CREBZF: variants seen among roughly 807,000 people sequenced by gnomAD.
CREBZF encodes HCF-binding transcription factor Zhangfei.
A neutral mutation model predicts 21.1 loss-of-function variants in CREBZF; 8 were observed. The observed-to-expected ratio is 0.38, with a 90% confidence interval of 0.22 to 0.68. The LOEUF (loss-of-function observed/expected upper bound fraction) is 0.68. CREBZF is among the 30% of genes least tolerant of loss of function. CREBZF has a pLI of 0.51. For synonymous variants in CREBZF, 270 were observed against 223.3 expected (o/e 1.21, Z -1.86); for missense variants, 518 against 484.3 (o/e 1.07, Z -0.65).
At position 85,663,454 on chromosome 11, in the gene CREBZF, C is replaced by G. The variant is rs1279788677; in HGVS notation, c.*357G>C. The G allele has an allele frequency of 1.4e-6, 1 of 733,282 alleles. No individual in the cohort carries two copies. Among genetic ancestry groups the G allele is most frequent in the African/African-American group, 1.8e-5 (1 of 56,230 alleles). 45.4% of individuals were successfully genotyped at this position (733,282 alleles called of 1,614,324 possible). A position where few individuals can be genotyped will look rare whatever the true frequency, so the allele number is the denominator to read the frequency against. On this transcript the variant is annotated 3_prime_UTR_variant, in exon 1 of 1. Coordinates refer to ENST00000527447, the MANE Select transcript of CREBZF (RefSeq NM_001039618.4). Reference sequence around the variant, plus strand: ...AAAAAAAAAATCACACACACACAAACTGAGATGTTGCCCATTAAAGTAGAC... The same window carrying G: ...AAAAAAAAAATCACACACACACAAAGTGAGATGTTGCCCATTAAAGTAGAC...
chr11:85,662,682 G>C lies in CREBZF; in HGVS notation c.*1129C>G. On this transcript the variant is annotated 3_prime_UTR_variant, in exon 1 of 1. Transcript: ENST00000527447. Reference sequence around the variant, plus strand: ...CAATTTAAAAAATTATTTTAAAATAGGACAAATACTTTTGAAACACAGAGA... The same window carrying C: ...CAATTTAAAAAATTATTTTAAAATACGACAAATACTTTTGAAACACAGAGA... 2.6e-6 allele frequency: 1 copy of C among 384,452 alleles called. No homozygotes were observed. The highest frequency in any genetic ancestry group is 4.6e-6 in the Non-Finnish European group (1 of 215,558). 23.8% of individuals were successfully genotyped at this position (384,452 alleles called of 1,614,324 possible).
At chr11:85,666,159 T>C (rs892391512), upstream of CREBZF, among the ~76,000 whole-genome samples, 2 of 152,254 alleles carry the variant, frequency 1.3e-5, no homozygotes, top group Non-Finnish European at 2.9e-5. Context: ...TCAAAACATG[T>C]CTTTTATTTT....
chr11:85,682,084 G>C (rs1422535356), intron 1 of CREBZF, among the ~76,000 whole-genome samples: 3 of 152,110 alleles, frequency 2.0e-5, no homozygotes, highest in African/African-American at 7.2e-5. Flanking sequence ...TAAGAATTTC[G>C]CGACAGCAAC....
chr11:85,672,686 C>G (rs2082919774), intron 1 of CREBZF, among the ~76,000 whole-genome samples: 1 of 152,184 alleles, frequency 6.6e-6, no homozygotes, highest in Admixed American at 6.5e-5. Flanking sequence ...CATGTGGGCC[C>G]ATGTGTGAGT....
In CREBZF at chr11:85,682,683, C is replaced by T; in HGVS notation, n.147+34G>A. ...CCTGGAGCCCACTCCCCTTGTAGAC[C>T]ACACTCCAGTACCCGGAATTCCGGG... On this transcript the variant is annotated intron_variant and non_coding_transcript_variant, in intron 1 of 3. Transcript: ENST00000531515. 4 of 640,918 alleles carry T rather than the reference C, an allele frequency of 6.2e-6. No individual in the cohort carries two copies. The South Asian group carries it at 6.8e-5, about 11-fold the overall frequency. 39.7% of individuals were successfully genotyped at this position (640,918 alleles called of 1,614,324 possible).
At chr11:85,681,286 G>A (rs1203085954) in intron 1 of CREBZF, among the ~76,000 whole-genome samples, 1 of 152,092 alleles carries the variant, frequency 6.6e-6, no homozygotes, top group Non-Finnish European at 1.5e-5. Flanking sequence ...GGGAAAGGAG[G>A]GCTGAGTAGA....
intron 1 of CREBZF, among the ~76,000 whole-genome samples, chr11:85,676,443 T>A (rs1251674234): frequency 6.6e-6 from 1 of 152,150 alleles, no homozygotes; most frequent in African/African-American, 2.4e-5. Flanking sequence ...TACTGAAAAT[T>A]TGTACTCTGA....
chr11:85,664,483 G>T lies in CREBZF; in HGVS notation c.393C>A (p.Ser131=), dbSNP rs761991057. The T allele has an allele frequency of 2.5e-6, 4 of 1,613,642 alleles. No individual in the cohort carries two copies. The highest frequency in any genetic ancestry group is 1.7e-6 in the Non-Finnish European group (2 of 1,179,958). The change falls in exon 1 of 1, where the codon TCC becomes TCA. Residue 131 remains serine, a synonymous_variant. Coordinates refer to ENST00000527447, the MANE Select transcript of CREBZF (RefSeq NM_001039618.4). The surrounding 1 kb of genome is among the most constrained non-coding windows in gnomAD (Gnocchi z 5.5). ...DPGLSSPGPL[S]SSGGGSDSGG... is the part of the protein sequence containing the mutation. ...CGCTATCCGAGCCTCCGCCAGACGA[G>T]GAGAGAGGCCCCGGCGAGCTAAGCC...
At chr11:85,672,657 G>A (rs2082919675) in intron 1 of CREBZF, among the ~76,000 whole-genome samples, 2 of 152,304 alleles carry the variant, frequency 1.3e-5, no homozygotes, top group South Asian at 4.1e-4. Flanking sequence ...GTCATGGAGG[G>A]AGGTTTCAGT....
rs1178058667 is a variant in CREBZF at position 85,664,511 on chromosome 11, G to C, written c.365C>G (p.Pro122Arg). ...GAGAGGCCCCGGCGAGCTAAGCCCG[G>C]GGTCCAGGTGCCAGTCCGGTTGCCT... ...DPRQPDWHLD[P>R]GLSSPGPLSS... The change falls in exon 1 of 1, where the codon CCC becomes CGC. Residue 122 changes from proline to arginine, a missense_variant. By Grantham distance (103) the Pro-to-Arg change is moderately radical. Around this residue, in one of 3 missense-constraint regions of CREBZF, gnomAD observed 396 missense variants for 324.4 expected, o/e 1.22. Transcript: ENST00000527447. This position sits in a 1 kb window ranked among gnomAD's most constrained non-coding sequence, Gnocchi z 5.5. 2 of 1,613,804 alleles carry C rather than the reference G, an allele frequency of 1.2e-6. No homozygotes were observed. The highest frequency in any genetic ancestry group is 3.3e-5 in the Admixed American group (2 of 60,018).
At chr11:85,672,511 C>G (rs1233562857) in intron 1 of CREBZF, among the ~76,000 whole-genome samples, 1 of 152,198 alleles carries the variant, frequency 6.6e-6, no homozygotes, top group African/African-American at 2.4e-5. Context: ...CTCTTGAATT[C>G]TTTGCTGCTT....
At position 85,662,219 on chromosome 11, in the gene CREBZF, CAAG is replaced by C; in HGVS notation, c.*1589_*1591del. On this transcript the variant is annotated 3_prime_UTR_variant, in exon 1 of 1. Transcript: ENST00000527447. ...TAGCAACAAAACATTTACAGTTGTGCAAGAACAAGGATTCCATTTTCATAACCA... is the reference window on the plus strand; with the variant it reads ...TAGCAACAAAACATTTACAGTTGTGCAACAAGGATTCCATTTTCATAACCA... 1 of 577,096 alleles carries C rather than the reference CAAG, an allele frequency of 1.7e-6. No homozygotes were observed. The highest frequency in any genetic ancestry group is 3.2e-6 in the Non-Finnish European group (1 of 313,434). The allele number at this position is 577,096 out of a possible 1,614,324, so 35.7% of individuals were successfully genotyped here.
chr11:85,664,125 G>T lies in CREBZF; in HGVS notation c.751C>A (p.Arg251=). ...GCCTGTACGCGTTTGCCCAGCTCCC[G>T]ATTCTCGGCCCGCAGCTCCTGGTTC... is the stretch of plus-strand genomic sequence containing the variant. The part of the protein sequence containing the change: ...AENQELRAEN[R]ELGKRVQALQ... The change falls in exon 1 of 1, where the codon CGG becomes AGG. Residue 251 remains arginine, a synonymous_variant. Transcript: ENST00000527447. This position sits in a 1 kb window ranked among gnomAD's most constrained non-coding sequence, Gnocchi z 5.5. 2 of 1,613,612 alleles carry T rather than the reference G, an allele frequency of 1.2e-6. No individual in the cohort carries two copies. Among genetic ancestry groups the T allele is most frequent in the Non-Finnish European group, 8.5e-7 (1 of 1,180,050 alleles).
exon 1 of CREBZF, chr11:85,682,794 C>G (rs2082985988): frequency 1.4e-6 from 1 of 701,678 alleles, no homozygotes; most frequent in Non-Finnish European, 2.6e-6. Context: ...GGGCGCAAAA[C>G]TTAGGCCCCA....
intron 1 of CREBZF, chr11:85,682,613 AACGCGATCTTCCAGACGCGCTCTT>A: frequency 1.8e-4 from 2 of 11,046 alleles, no homozygotes; most frequent in Non-Finnish European, 1.7e-4. Flanking sequence ...TACTCCCCCC[AACGCGATCTTCCAGACGCGCTCTT>A]CCCCCATATA....
At position 85,663,515 on chromosome 11, in the gene CREBZF, G is replaced by T. The variant is rs928618972; in HGVS notation, c.*296C>A. On this transcript the variant is annotated 3_prime_UTR_variant, in exon 1 of 1. Coordinates refer to ENST00000527447, the MANE Select transcript of CREBZF (RefSeq NM_001039618.4). ...AGCATGAGCGTTACGGGAAGAGATGGATCCTTACCAGGTTGTGAGGCGGGA... is the reference window on the plus strand; with the variant it reads ...AGCATGAGCGTTACGGGAAGAGATGTATCCTTACCAGGTTGTGAGGCGGGA... The T allele has an allele frequency of 1.0e-6, 1 of 981,958 alleles. No homozygotes were observed. Among genetic ancestry groups the T allele is most frequent in the Non-Finnish European group, 1.6e-6 (1 of 627,560 alleles). 60.8% of individuals were successfully genotyped at this position (981,958 alleles called of 1,614,324 possible).
At chr11:85,678,578 C>T (rs553029512) in intron 1 of CREBZF, among the ~76,000 whole-genome samples, 3 of 152,188 alleles carry the variant, frequency 2.0e-5, no homozygotes, top group South Asian at 2.1e-4. Context: ...AACAAACTAA[C>T]GAATGAAATT....
Position 85,662,578 on chromosome 11 carries a change from C to A in CREBZF, c.*1233G>T. ...GGACACCATAATTCAATTTATACAA[C>A]TGGTTAATAGATTCAAGGGAATAAA... On this transcript the variant is annotated 3_prime_UTR_variant, in exon 1 of 1. Transcript: ENST00000527447. The A allele has an allele frequency of 3.5e-6, 2 of 572,070 alleles. No homozygotes were observed. Among genetic ancestry groups the A allele is most frequent in the South Asian group, 4.6e-5 (2 of 43,162 alleles). The allele number at this position is 572,070 out of a possible 1,614,324, so 35.4% of individuals were successfully genotyped here.
At chr11:85,682,650 G>C in intron 1 of CREBZF, 1 of 344,554 alleles carries the variant, frequency 2.9e-6, no homozygotes, top group Non-Finnish European at 5.2e-6. Context: ...CCCATATAAC[G>C]TGGAGTCCCT....
Sources: allele counts gnomAD v4.1 joint callset (sites outside exome capture counted in the v4.1 genomes callset), GRCh38; gene constraint gnomAD v4.1.1; regional missense constraint gnomAD v4.1.1; non-coding constraint Gnocchi (gnomAD v3.1); transcripts MANE v1.5; gene names NCBI Gene and HGNC (gene_info 2026-07-23, HGNC 2026-07-21).